MYO18B: variants seen among roughly 807,000 people sequenced by gnomAD.
The protein encoded by MYO18B is unconventional myosin-XVIIIb.
In MYO18B, 204 loss-of-function variants were observed where a neutral mutation model predicts 273.0. The observed-to-expected ratio is 0.75, with a 90% confidence interval of 0.67 to 0.84. The LOEUF is 0.84. Among genes scored for constraint, MYO18B ranks in the 40% least tolerant of loss-of-function variants. The pLI is 0.00. For missense variants in MYO18B, 3,212 were observed against 3,287.6 expected (o/e 0.98, Z 0.56); for synonymous variants, 1,330 against 1,305.7 (o/e 1.02, Z -0.40).
Position 25,883,079 on chromosome 22 carries a change from G to A in MYO18B, c.4314+5031G>A, listed in dbSNP as rs2146230444. On this transcript the variant is annotated intron_variant, in intron 25 of 43. Transcript: ENST00000335473. The surrounding 1 kb of genome is among the most constrained non-coding windows in gnomAD (Gnocchi z 7.6). Reference sequence around the variant, plus strand: ...GCCTGGCTGTTTTTTTTCAATTTTGGTAGAGATGGGGGTCTCACTTTGTTG... The same window carrying A: ...GCCTGGCTGTTTTTTTTCAATTTTGATAGAGATGGGGGTCTCACTTTGTTG... Among the ~76,000 whole-genome samples the A allele has an allele frequency of 6.6e-6, 1 of 151,990 alleles. No individual in the cohort carries two copies. Among genetic ancestry groups the A allele is most frequent in the South Asian group, 2.1e-4 (1 of 4,794 alleles).
At chr22:25,902,770 C>T (rs1013678395) in intron 30 of MYO18B, 34 bp downstream of exon 30, 1 of 1,554,862 alleles carries the variant, frequency 6.4e-7, no homozygotes, top group African/African-American at 1.4e-5. Flanking sequence ...TATCTTGGCT[C>T]TTGGTGGCTA....
At chr22:26,035,536 T>C (rs1462095013), downstream of MYO18B, among the ~76,000 whole-genome samples, 4 of 152,212 alleles carry the variant, frequency 2.6e-5, no homozygotes, top group East Asian at 7.7e-4. Context: ...GCTTCTGAAA[T>C]GCTCCTGATC....
In MYO18B at chr22:25,781,754, C is replaced by A. The variant is rs371844616; in HGVS notation, c.2232C>A (p.Ser744Arg). The A allele has an allele frequency of 3.2e-6, 5 of 1,578,886 alleles. No homozygotes were observed. The highest frequency in any genetic ancestry group is 4.3e-6 in the Non-Finnish European group (5 of 1,163,736). The change falls in exon 10 of 44, where the codon AGC (serine) becomes AGA (arginine). Residue 744 changes from serine to arginine, a missense_variant. Ser to Arg is a moderately radical substitution (Grantham distance 110). Coordinates refer to ENST00000335473, the MANE Select transcript of MYO18B (RefSeq NM_032608.7). ...TGCAGACAATGCTTTTGGAGAAGAG[C>A]CGCGTGGCACGGCAGCCGGAAGGGG... ...AQLQTMLLEKSRVARQPEGES... is the reference protein window; with the variant it reads ...AQLQTMLLEKRRVARQPEGES...
At chr22:25,990,484 G>A (rs971813711) in intron 39 of MYO18B, among the ~76,000 whole-genome samples, 3 of 151,862 alleles carry the variant, frequency 2.0e-5, no homozygotes. Flanking sequence ...TCAGGAATTC[G>A]AGACCAGCCT....
At chr22:26,046,906 G>C in the MYO18B span, among the ~76,000 whole-genome samples, 1 of 152,158 alleles carries the variant, frequency 6.6e-6, no homozygotes, top group African/African-American at 2.4e-5. Context: ...CTGGTAGTTA[G>C]AGCTGGTTGC....
the MYO18B span, among the ~76,000 whole-genome samples, chr22:26,059,552 C>CT: frequency 6.6e-6 from 1 of 152,188 alleles, no homozygotes; most frequent in African/African-American, 2.4e-5. Flanking sequence ...AAGGGAAGCT[C>CT]AGGTGCCCAT....
chr22:25,786,952 G>A (rs5996972), intron 11 of MYO18B, among the ~76,000 whole-genome samples: 10,346 of 152,212 alleles, frequency 0.068, 827 homozygotes, highest in African/African-American at 0.18. Flanking sequence ...GGTGGCTCAC[G>A]CCTGTAATCC....
chr22:26,042,526 G>A, the MYO18B span, among the ~76,000 whole-genome samples: 1 of 152,326 alleles, frequency 6.6e-6, no homozygotes, highest in African/African-American at 2.4e-5. Context: ...TTCATAGAGA[G>A]GCAGAATTAG....
chr22:25,841,204 A>T (rs2090072151), intron 17 of MYO18B, among the ~76,000 whole-genome samples: 1 of 152,178 alleles, frequency 6.6e-6, no homozygotes, highest in Non-Finnish European at 1.5e-5. Context: ...TGTGACCTGC[A>T]GAGGCTGAGG....
rs1039843074 is a variant in MYO18B, at chr22:25,952,191, T to C, written c.5833-95T>C. The C allele has an allele frequency of 6.5e-6, 9 of 1,375,406 alleles. No individual in the cohort carries two copies. The Admixed American group carries it at 1.6e-4, about 25-fold the overall frequency. The allele number at this position is 1,375,406 out of a possible 1,614,324, so 85.2% of individuals were successfully genotyped here. A position where few individuals can be genotyped will look rare whatever the true frequency, so the allele number is the denominator to read the frequency against. On this transcript the variant is annotated intron_variant, in intron 37 of 43. Transcript: ENST00000335473. The stretch of plus-strand genomic sequence containing the variant: ...TGAGTAGAGAAGGAGGTGGTGTGAA[T>C]AGCTCCTCCCACCCTCCCAGGCTGG...
chr22:25,812,449 C>A (rs1205869792), intron 12 of MYO18B, among the ~76,000 whole-genome samples: 1 of 152,198 alleles, frequency 6.6e-6, no homozygotes. Flanking sequence ...ACATTTACTT[C>A]CCCTACATTT....
At chr22:25,762,114 A>G (rs942798610) in intron 2 of MYO18B, among the ~76,000 whole-genome samples, 1 of 152,086 alleles carries the variant, frequency 6.6e-6, no homozygotes, top group African/African-American at 2.4e-5. Flanking sequence ...AAAAAAGAAA[A>G]AAAAAAAAAA....
intron 10 of MYO18B, among the ~76,000 whole-genome samples, chr22:25,783,276 G>A (rs1274352394): frequency 6.6e-6 from 1 of 152,206 alleles, no homozygotes; most frequent in East Asian, 1.9e-4. Flanking sequence ...GGGCTTCTCT[G>A]AGCCTTGGTT....
intron 16 of MYO18B, among the ~76,000 whole-genome samples, chr22:25,834,199 T>A (rs996440189): frequency 2.0e-5 from 3 of 151,020 alleles, no homozygotes; most frequent in Non-Finnish European, 4.4e-5. Flanking sequence ...CAGGCTGGAG[T>A]GCAGTGGCAC....
chr22:26,042,381 C>G, the MYO18B span, among the ~76,000 whole-genome samples: 15 of 152,222 alleles, frequency 9.9e-5, no homozygotes, highest in Admixed American at 7.8e-4. Context: ...CCTTCTTCCT[C>G]TAGACCCATC....
At chr22:25,817,403 C>A (rs1201648379) in intron 12 of MYO18B, among the ~76,000 whole-genome samples, 1 of 142,514 alleles carries the variant, frequency 7.0e-6, no homozygotes, top group Non-Finnish European at 1.5e-5. Flanking sequence ...CCCTTCCTTC[C>A]TTCCTCCCTC....
chr22:25,757,751 C>G (rs1290466126), intron 1 of MYO18B, among the ~76,000 whole-genome samples: 3 of 152,172 alleles, frequency 2.0e-5, no homozygotes, highest in Admixed American at 2.0e-4. Context: ...GAAGAGACAC[C>G]TTCCTCCACT....
chr22:25,786,492 C>CA (rs35847281), intron 11 of MYO18B, among the ~76,000 whole-genome samples: 109,433 of 142,276 alleles, frequency 0.77, 43,744 homozygotes, highest in Non-Finnish European at 0.9. Context: ...TATCCTGGTG[C>CA]AAAAAAAAAA....
At chr22:25,818,836 C>T (rs1443119341) in intron 12 of MYO18B, among the ~76,000 whole-genome samples, 1 of 152,104 alleles carries the variant, frequency 6.6e-6, no homozygotes, top group East Asian at 1.9e-4. Flanking sequence ...ACCATCTCAT[C>T]TCCTTCTTGC....
Sources: allele counts gnomAD v4.1 joint callset (sites outside exome capture counted in the v4.1 genomes callset), GRCh38; gene constraint gnomAD v4.1.1; non-coding constraint Gnocchi (gnomAD v3.1); transcripts MANE v1.5; gene names NCBI Gene and HGNC (gene_info 2026-07-23, HGNC 2026-07-21).